The following RPH3AL variants were observed in gnomAD, a reference collection of about 807,000 sequenced individuals.
The protein encoded by RPH3AL is rabphilin 3A like (without C2 domains).
In RPH3AL, 38 loss-of-function variants were observed where a neutral mutation model predicts 43.1. The observed-to-expected ratio is 0.88, with a 90% CI of 0.68 to 1.15. RPH3AL has a LOEUF of 1.15. RPH3AL is among the 50% of genes most tolerant of loss of function. The probability of loss-of-function intolerance (pLI) is 0.00; values close to 1 mark genes in which losing one functional copy is unlikely to be tolerated. For synonymous variants in RPH3AL, 189 were observed against 176.3 expected (o/e 1.07, Z -0.57); for missense variants, 462 against 423.2 (o/e 1.09, Z -0.81).
chr17:218,853 A>G (rs1003570524), intron 8 of RPH3AL, among the ~76,000 whole-genome samples: 1 of 152,178 alleles, frequency 6.6e-6, no homozygotes, highest in East Asian at 1.9e-4. Flanking sequence ...TGGGGACCCC[A>G]TGGTGGTTTC....
intron 3 of RPH3AL, among the ~76,000 whole-genome samples, chr17:326,679 G>A (rs886437140): frequency 9.9e-5 from 15 of 152,158 alleles, no homozygotes; most frequent in African/African-American, 3.6e-4. Context: ...TCAGGAGTTC[G>A]AGACCAGCCT....
intron 7 of RPH3AL, among the ~76,000 whole-genome samples, chr17:237,869 C>T (rs571306309): frequency 7.8e-4 from 119 of 152,278 alleles, no homozygotes; most frequent in African/African-American, 2.7e-3. Context: ...CACAGCAGGC[C>T]GGGTGCGGTG....
intron 7 of RPH3AL, among the ~76,000 whole-genome samples, chr17:223,623 G>A (rs1463333800): frequency 6.6e-6 from 1 of 152,206 alleles, no homozygotes; most frequent in African/African-American, 2.4e-5. Flanking sequence ...AGTGTGTAGG[G>A]AAGAATTCAG....
rs143058978 is a variant in RPH3AL, at chr17:298,592, C to G, written c.352-16738G>C. On this transcript the variant is annotated intron_variant, in intron 5 of 9. Transcript: ENST00000331302. The stretch of plus-strand genomic sequence containing the variant: ...TGGAGGCACACTCCTGTAGCCCTAG[C>G]TACTCGGGAGGCTGAGGCAGGAGAA... Among the ~76,000 whole-genome samples the G allele has an allele frequency of 2.8e-3, 420 of 151,904 alleles. 1 individual carries two copies. The highest frequency in any genetic ancestry group is 9.6e-3 in the African/African-American group (398 of 41,440).
intron 6 of RPH3AL, among the ~76,000 whole-genome samples, chr17:275,394 G>A (rs749154046): frequency 4.6e-5 from 7 of 152,050 alleles, no homozygotes; most frequent in East Asian, 1.9e-4. Flanking sequence ...TCACAATGTC[G>A]AATAAAGAAG....
chr17:317,557 G>A (rs533753299), intron 5 of RPH3AL, among the ~76,000 whole-genome samples: 1 of 151,976 alleles, frequency 6.6e-6, no homozygotes, highest in African/African-American at 2.4e-5. Flanking sequence ...CACCTCCACT[G>A]ACCTGTAGTC....
intron 3 of RPH3AL, among the ~76,000 whole-genome samples, chr17:321,822 C>T (rs1379667556): frequency 6.6e-6 from 1 of 152,226 alleles, no homozygotes; most frequent in Non-Finnish European, 1.5e-5. Context: ...TGGGCCTTGG[C>T]AAAGACGGCA....
chr17:336,906 C>T (rs890206155), intron 1 of RPH3AL, among the ~76,000 whole-genome samples: 1 of 152,146 alleles, frequency 6.6e-6, no homozygotes, highest in South Asian at 2.1e-4. Flanking sequence ...CCAGCACCAC[C>T]TCCCCTGGGA....
intron 7 of RPH3AL, among the ~76,000 whole-genome samples, chr17:237,819 C>T (rs2041434764): frequency 6.6e-6 from 1 of 152,198 alleles, no homozygotes; most frequent in South Asian, 2.1e-4. Context: ...CCCCTGGTGT[C>T]AGGCGCTCAG....
intron 5 of RPH3AL, among the ~76,000 whole-genome samples, chr17:295,037 G>C: frequency 7.4e-6 from 1 of 134,476 alleles, no homozygotes; most frequent in Non-Finnish European, 1.6e-5. Context: ...GGACAGAGAT[G>C]CTGCAGAAAT....
intron 6 of RPH3AL, among the ~76,000 whole-genome samples, chr17:253,472 T>G (rs7214637): frequency 0.11 from 17,087 of 152,230 alleles, 1,242 homozygotes; most frequent in Non-Finnish European, 0.15. Flanking sequence ...CGGACCACGG[T>G]TTTGGCCTCC....
intron 5 of RPH3AL, among the ~76,000 whole-genome samples, chr17:309,234 G>T (rs1319790135): frequency 6.6e-6 from 1 of 152,208 alleles, no homozygotes; most frequent in Non-Finnish European, 1.5e-5. Flanking sequence ...GTTTGAGGCT[G>T]CAGTGAGCCC....
chr17:240,956 C>A (rs1282420818), intron 7 of RPH3AL, among the ~76,000 whole-genome samples: 1 of 151,908 alleles, frequency 6.6e-6, no homozygotes, highest in African/African-American at 2.4e-5. Flanking sequence ...ACTCAGGAGG[C>A]TGAGGCAGGA....
intron 6 of RPH3AL, among the ~76,000 whole-genome samples, chr17:256,054 C>T (rs368691654): frequency 0.014 from 269 of 19,584 alleles, no homozygotes; most frequent in Middle Eastern, 0.036. Context: ...TGAGGGGAGC[C>T]GCACGGCGTC....
chr17:330,170 C>T (rs999816680), intron 2 of RPH3AL, among the ~76,000 whole-genome samples: 14 of 152,232 alleles, frequency 9.2e-5, no homozygotes, highest in Admixed American at 8.5e-4. Context: ...TCCGCCTGAC[C>T]ACACAGGGTC....
chr17:289,018 C>G lies in RPH3AL; in HGVS notation c.352-7164G>C, dbSNP rs1375545857. On this transcript the variant is annotated intron_variant, in intron 5 of 9. Coordinates refer to ENST00000331302, the MANE Select transcript of RPH3AL (RefSeq NM_006987.4). This position sits in a 1 kb window ranked among gnomAD's most constrained non-coding sequence, Gnocchi z 5.2. ...AAAGAAATGTATATTCTCTCTACCC[C>G]CAAGAACACAGGGGAGGGGGTTCCC... Among the ~76,000 whole-genome samples, 1 of 152,284 alleles carries G rather than the reference C, an allele frequency of 6.6e-6. No homozygotes were observed. Among genetic ancestry groups the G allele is most frequent in the South Asian group, 2.1e-4 (1 of 4,822 alleles).
chr17:262,365 G>A (rs1199270375), intron 6 of RPH3AL, among the ~76,000 whole-genome samples: 5 of 152,030 alleles, frequency 3.3e-5, no homozygotes, highest in African/African-American at 7.2e-5. Flanking sequence ...ACAGGCACCC[G>A]CCACCAGGCC....
intron 6 of RPH3AL, among the ~76,000 whole-genome samples, chr17:262,954 G>A (rs1468709806): frequency 2.0e-5 from 3 of 152,204 alleles, no homozygotes; most frequent in Non-Finnish European, 4.4e-5. Context: ...TTCCCCACGT[G>A]GCCCTGCCCG....
Position 215,929 on chromosome 17 carries a change from AGGCTCTGGCCT to A in RPH3AL, c.728-138_728-128del, listed in dbSNP as rs2040789351. On this transcript the variant is annotated intron_variant, in intron 8 of 9. Transcript: ENST00000331302. This position sits in a 1 kb window ranked among gnomAD's most constrained non-coding sequence, Gnocchi z 4.1. ...CCCCCACCCCACCCACATGGCTGCC[AGGCTCTGGCCT>A]GACCTCACCCACATGGCTGCCGGGC... The A allele has an allele frequency of 1.5e-6, 1 of 672,424 alleles. No homozygotes were observed. The highest frequency in any genetic ancestry group is 4.6e-5 in the Admixed American group (1 of 21,548). The allele number at this position is 672,424 out of a possible 1,614,324, so 41.7% of individuals were successfully genotyped here. A position where few individuals can be genotyped will look rare whatever the true frequency, so the allele number is the denominator to read the frequency against.
Sources: gnomAD v4.1 joint callset for allele counts (sites outside exome capture counted in the v4.1 genomes callset) on GRCh38, gnomAD v4.1.1 for gene constraint, Gnocchi (gnomAD v3.1) non-coding constraint, MANE v1.5 for transcripts, NCBI Gene and HGNC (gene_info 2026-07-23, HGNC 2026-07-21) for gene names.